SLC5A4: variants seen among roughly 807,000 people sequenced by gnomAD.
SLC5A4 encodes the protein probable glucose sensor protein SLC5A4.
Under a neutral mutation model 70.3 loss-of-function variants are expected in SLC5A4, and 55 were observed. The ratio of observed to expected loss-of-function variants is 0.78; its 90% CI spans 0.63 to 0.98. SLC5A4 has a LOEUF of 0.98. SLC5A4 is among the 50% of genes least tolerant of loss of function. SLC5A4 has a pLI of 0.00. For missense variants in SLC5A4, 735 were observed against 839.2 expected (o/e 0.88, Z 1.53); for synonymous variants, 268 against 305.7 (o/e 0.88, Z 1.29).
chr22:32,254,263 A>G (rs1927342960), intron 1 of SLC5A4, 50 bp from the exon 2 acceptor site: 1 of 1,372,950 alleles, frequency 7.3e-7, no homozygotes, highest in African/African-American at 1.4e-5. Flanking sequence ...AAGTGCACCC[A>G]GACACCCCAG....
At chr22:32,270,505 G>A in the SLC5A4 span, 1 of 723,064 alleles carries the variant, frequency 1.4e-6, no homozygotes. Flanking sequence ...AGCGGACAAT[G>A]ACCACCGCAG....
chr22:32,273,996 T>C, the SLC5A4 span, among the ~76,000 whole-genome samples: 13 of 151,658 alleles, frequency 8.6e-5, no homozygotes, highest in South Asian at 2.1e-4. Context: ...TACAGAAAAC[T>C]GTACAAAACA....
At chr22:32,311,038 C>A in the SLC5A4 span, among the ~76,000 whole-genome samples, 1 of 152,218 alleles carries the variant, frequency 6.6e-6, no homozygotes, top group Admixed American at 6.5e-5. Context: ...CTGGAATGCT[C>A]TTTTCCTATC....
chr22:32,347,062 C>T, the SLC5A4 span, among the ~76,000 whole-genome samples: 1 of 152,208 alleles, frequency 6.6e-6, no homozygotes, highest in African/African-American at 2.4e-5. Context: ...ACAGACACTT[C>T]TCAAAAGAAG....
At chr22:32,326,779 G>A in the SLC5A4 span, among the ~76,000 whole-genome samples, 1 of 152,188 alleles carries the variant, frequency 6.6e-6, no homozygotes, top group African/African-American at 2.4e-5. Flanking sequence ...GGATTAACTG[G>A]CTAGGCCTGC....
the SLC5A4 span, among the ~76,000 whole-genome samples, chr22:32,265,665 C>T: frequency 6.6e-6 from 1 of 151,974 alleles, no homozygotes; most frequent in African/African-American, 2.4e-5. Flanking sequence ...CATGGTGAAA[C>T]CCCCTCTCTA....
chr22:32,328,808 T>C, the SLC5A4 span, among the ~76,000 whole-genome samples: 2 of 152,236 alleles, frequency 1.3e-5, no homozygotes, highest in Non-Finnish European at 2.9e-5. Flanking sequence ...CTCAGGGCAG[T>C]GCTAGAGATT....
the SLC5A4 span, among the ~76,000 whole-genome samples, chr22:32,266,683 CT>C: frequency 6.6e-6 from 1 of 152,192 alleles, no homozygotes; most frequent in Admixed American, 6.5e-5. Flanking sequence ...CTGTGCATAA[CT>C]TTTGACTTCC....
chr22:32,305,012 T>C, the SLC5A4 span, among the ~76,000 whole-genome samples: 1 of 152,232 alleles, frequency 6.6e-6, no homozygotes, highest in South Asian at 2.1e-4. Context: ...CTTTTGCTCC[T>C]CTGTCAAAGA....
intron 13 of SLC5A4, among the ~76,000 whole-genome samples, chr22:32,222,315 TAC>T (rs1202717387): frequency 1.3e-5 from 2 of 152,198 alleles, no homozygotes; most frequent in African/African-American, 4.8e-5. Flanking sequence ...TCTGTTTAAT[TAC>T]ACATAGAGTA....
chr22:32,336,491 T>C, the SLC5A4 span, among the ~76,000 whole-genome samples: 5 of 152,338 alleles, frequency 3.3e-5, no homozygotes, highest in East Asian at 7.7e-4. Context: ...GGCAGGATTA[T>C]AGGAGCCACC....
chr22:32,232,161 G>A (rs946954336), intron 9 of SLC5A4, among the ~76,000 whole-genome samples: 5 of 152,308 alleles, frequency 3.3e-5, no homozygotes, highest in Middle Eastern at 3.4e-3. Context: ...GGTTACAGGC[G>A]TGAGCATTCT....
the SLC5A4 span, among the ~76,000 whole-genome samples, chr22:32,329,510 GGT>G: frequency 0.033 from 4,938 of 148,312 alleles, 171 homozygotes; most frequent in Admixed American, 0.092. Context: ...AGGCAGTGGG[GGT>G]GTGTGTGTGT....
the SLC5A4 span, among the ~76,000 whole-genome samples, chr22:32,296,370 C>CACAT: frequency 4.7e-4 from 38 of 80,636 alleles, no homozygotes; most frequent in African/African-American, 1.7e-3. Context: ...AGAGGTCCTT[C>CACAT]ACATCCCTTG....
chr22:32,294,392 T>A, the SLC5A4 span, among the ~76,000 whole-genome samples: 8 of 152,306 alleles, frequency 5.3e-5, no homozygotes, highest in East Asian at 1.3e-3. Flanking sequence ...TTGTGAGAAG[T>A]AGTACAGAGA....
the SLC5A4 span, chr22:32,271,860 C>T: frequency 6.4e-5 from 39 of 604,810 alleles, no homozygotes; most frequent in Admixed American, 3.0e-4. Flanking sequence ...CTGTGCTGCA[C>T]GGTCCACTGT....
rs575300982 is a variant in SLC5A4, at chr22:32,236,735, C to T, written c.664+509G>A. 4.5e-4 allele frequency among the ~76,000 whole-genome samples: 66 copies of T among 147,674 alleles called. 1 individual carries two copies. In the South Asian group the frequency reaches 0.013, roughly 29 times the overall value. ...TTTTTTTTTTTTTGAGATGGAGTCT[C>T]GCTCTGTTGCCCAGGCTGGAGTGCA... On this transcript the variant is annotated intron_variant, in intron 7 of 14. Transcript: ENST00000266086.
the SLC5A4 span, among the ~76,000 whole-genome samples, chr22:32,346,552 T>C: frequency 1.4e-5 from 2 of 146,882 alleles, no homozygotes; most frequent in African/African-American, 5.2e-5. Context: ...TAACGCCACA[T>C]ATCTGCAACT....
At chr22:32,325,888 C>G in the SLC5A4 span, among the ~76,000 whole-genome samples, 20 of 152,208 alleles carry the variant, frequency 1.3e-4, no homozygotes, top group Non-Finnish European at 2.6e-4. Flanking sequence ...CAGCCCCTCT[C>G]GTCCAGGGCA....
Sources: gnomAD v4.1 joint callset for allele counts (sites outside exome capture counted in the v4.1 genomes callset) on GRCh38, gnomAD v4.1.1 for gene constraint, MANE v1.5 for transcripts, NCBI Gene and HGNC (gene_info 2026-07-23, HGNC 2026-07-21) for gene names.